WNK2: variants seen among roughly 807,000 people sequenced by gnomAD.
WNK2 encodes the protein serine/threonine-protein kinase WNK2.
A neutral mutation model predicts 192.1 loss-of-function variants in WNK2; 67 were observed. The ratio of observed to expected loss-of-function variants is 0.35; its 90% CI spans 0.29 to 0.43. The LOEUF is 0.43. Among genes scored for constraint, WNK2 ranks in the 20% least tolerant of loss-of-function variants. The pLI, the probability that WNK2 is intolerant of heterozygous loss-of-function variation, is 1.00. For missense variants in WNK2, 2,698 were observed against 3,089.7 expected (o/e 0.87, Z 3.01); for synonymous variants, 1,439 against 1,393.9 (o/e 1.03, Z -0.72).
At chr9:93,251,922 A>G (rs1030121964) in intron 8 of WNK2, among the ~76,000 whole-genome samples, 2 of 152,172 alleles carry the variant, frequency 1.3e-5, no homozygotes, top group Non-Finnish European at 2.9e-5. Flanking sequence ...CCTAGGTTAC[A>G]GTAGGTTCAG....
intron 28 of WNK2, among the ~76,000 whole-genome samples, chr9:93,314,587 G>T (rs1278469333): frequency 6.6e-6 from 1 of 152,122 alleles, no homozygotes; most frequent in African/African-American, 2.4e-5. Context: ...TATAAGCAAT[G>T]ATGCCAGCCA....
chr9:93,204,272 G>T (rs1210224571), intron 2 of WNK2, among the ~76,000 whole-genome samples: 2 of 152,186 alleles, frequency 1.3e-5, no homozygotes, highest in African/African-American at 2.4e-5. Flanking sequence ...GGACAGCCTG[G>T]GTGCTCAACA....
At chr9:93,205,654 A>G (rs544015416) in intron 2 of WNK2, among the ~76,000 whole-genome samples, 1 of 152,216 alleles carries the variant, frequency 6.6e-6, no homozygotes, top group Non-Finnish European at 1.5e-5. Context: ...GTGGGGAGGT[A>G]TTTTTGGCAC....
intron 19 of WNK2, among the ~76,000 whole-genome samples, chr9:93,287,218 G>A (rs2133754905): frequency 6.6e-6 from 1 of 152,296 alleles, no homozygotes; most frequent in East Asian, 1.9e-4. Context: ...CCATCACACA[G>A]CCCTAGGGGT....
In WNK2 at chr9:93,261,849, C is replaced by T. The variant is rs370046914; in HGVS notation, c.3102C>T (p.Asp1034=). ...GCCACCCAGCTCCCTATGCTGTGGA[C>T]GTCGCCGCTCAGGTCCCCACCGTGC... ...LLGHPAPYAV[D]VAAQVPTVPV... is the part of the protein sequence containing the mutation. The change falls in exon 13 of 30, where the codon GAC becomes GAT. Residue 1034 remains aspartate, a synonymous_variant. Coordinates refer to ENST00000427277, the MANE Select transcript of WNK2 (RefSeq NM_006648.4). 2.5e-5 allele frequency: 40 copies of T among 1,597,944 alleles called. No individual in the cohort carries two copies. The highest frequency in any genetic ancestry group is 2.0e-4 in the East Asian group (9 of 44,816).
At chr9:93,284,453 T>C (rs553682253) in intron 19 of WNK2, among the ~76,000 whole-genome samples, 1 of 152,354 alleles carries the variant, frequency 6.6e-6, no homozygotes, top group South Asian at 2.1e-4. Context: ...GGAAATTCTG[T>C]TTTTACAAAA....
intron 2 of WNK2, among the ~76,000 whole-genome samples, chr9:93,187,252 G>A (rs985313466): frequency 3.3e-5 from 5 of 152,144 alleles, no homozygotes; most frequent in Non-Finnish European, 5.9e-5. Context: ...TTAAGGAAAC[G>A]CAGGCGATTC....
At chr9:93,287,610 A>G (rs534184234) in intron 19 of WNK2, among the ~76,000 whole-genome samples, 50 of 152,288 alleles carry the variant, frequency 3.3e-4, no homozygotes, top group African/African-American at 1.1e-3. Context: ...AATTTTGGTC[A>G]AATTAGTTTA....
At position 93,185,109 on chromosome 9, in the gene WNK2, C is replaced by G; in HGVS notation, c.180C>G (p.Ala60=). The G allele has an allele frequency of 7.6e-7, 1 of 1,311,546 alleles. No homozygotes were observed. Among genetic ancestry groups the G allele is most frequent in the Non-Finnish European group, 9.8e-7 (1 of 1,025,436 alleles). The allele number at this position is 1,311,546 out of a possible 1,614,324, so 81.2% of individuals were successfully genotyped here. A position where few individuals can be genotyped will look rare whatever the true frequency, so the allele number is the denominator to read the frequency against. ...DQEEPPGLEA[A]EAPGPQPPQP... The stretch of plus-strand genomic sequence containing the variant: ...AGGAGCCGCCGGGCTTGGAGGCAGC[C>G]GAGGCGCCGGGCCCGCAGCCCCCGC... The change falls in exon 2 of 30, where the codon GCC becomes GCG. Residue 60 remains alanine, a synonymous_variant. Transcript: ENST00000427277.
intron 7 of WNK2, among the ~76,000 whole-genome samples, chr9:93,246,347 T>G (rs973040139): frequency 3.3e-5 from 5 of 152,190 alleles, no homozygotes; most frequent in African/African-American, 2.4e-5. Context: ...GGCCGAGCTC[T>G]GCATGCTCCT....
chr9:93,263,275 A>C, intron 14 of WNK2: 1 of 501,506 alleles, frequency 2.0e-6, no homozygotes, highest in Non-Finnish European at 3.6e-6. Context: ...CAGATGGGGA[A>C]ACTGAGGCAC....
Position 93,185,123 on chromosome 9 carries a change from CG to C in WNK2, c.195del (p.Gln66SerfsTer37). On this transcript the variant is annotated frameshift_variant, in exon 2 of 30. Transcript: ENST00000427277. LOFTEE classifies it high-confidence loss of function. ...PGLEAAEAPG[P>X]QPPQPLQRRV... ...TTGGAGGCAGCCGAGGCGCCGGGCC[CG>C]CAGCCCCCGCAGCCCCTGCAGCGCC... 1 of 1,302,916 alleles carries C rather than the reference CG, an allele frequency of 7.7e-7. No individual in the cohort carries two copies. Among genetic ancestry groups the C allele is most frequent in the Non-Finnish European group, 9.8e-7 (1 of 1,020,204 alleles). The allele number at this position is 1,302,916 out of a possible 1,614,324, so 80.7% of individuals were successfully genotyped here.
chr9:93,264,110 C>T (rs1844790046), intron 16 of WNK2, 77 bp downstream of exon 16: 2 of 1,131,410 alleles, frequency 1.8e-6, no homozygotes, highest in Non-Finnish European at 2.6e-6. Flanking sequence ...CCACAGGTCA[C>T]ATGTCGAGCC....
In WNK2 at chr9:93,317,560, C is replaced by G; in HGVS notation, c.6557C>G (p.Pro2186Arg). The change falls in exon 29 of 30, where the codon CCC (proline) becomes CGC (arginine). Residue 2186 changes from proline to arginine, a missense_variant. By Grantham distance (103) the Pro-to-Arg change is moderately radical. Coordinates refer to ENST00000427277, the MANE Select transcript of WNK2 (RefSeq NM_006648.4). ...GCAGGAGTGGGGATGCCACGTCTGCCCCCAGCGCCCGGCCCTCTGTCCACC... is the reference window on the plus strand; with the variant it reads ...GCAGGAGTGGGGATGCCACGTCTGCGCCCAGCGCCCGGCCCTCTGTCCACC... ...PRAGVGMPRL[P>R]PAPGPLSTTV... The G allele has an allele frequency of 6.2e-7, 1 of 1,613,650 alleles. No individual in the cohort carries two copies. Among genetic ancestry groups the G allele is most frequent in the Middle Eastern group, 1.7e-4 (1 of 6,060 alleles).
intron 11 of WNK2, among the ~76,000 whole-genome samples, chr9:93,258,550 C>T (rs943021219): frequency 6.6e-6 from 1 of 152,128 alleles, no homozygotes; most frequent in African/African-American, 2.4e-5. Context: ...TCCTCTATGA[C>T]CTGTGGTCAC....
intron 2 of WNK2, among the ~76,000 whole-genome samples, chr9:93,193,357 G>A (rs1372868653): frequency 6.6e-6 from 1 of 152,168 alleles, no homozygotes; most frequent in Non-Finnish European, 1.5e-5. Context: ...TGAGAGAAAT[G>A]TGTTTCACCT....
chr9:93,212,149 T>C (rs1002189204), intron 2 of WNK2, among the ~76,000 whole-genome samples: 20 of 152,260 alleles, frequency 1.3e-4, no homozygotes, highest in African/African-American at 4.8e-4. Context: ...TATTAATTCA[T>C]TCACCTAATT....
Position 93,247,767 on chromosome 9 carries a change from C to T in WNK2, c.1767C>T (p.Pro589=), listed in dbSNP as rs750071298. The T allele has an allele frequency of 4.9e-5, 76 of 1,551,314 alleles. No individual in the cohort carries two copies. The highest frequency in any genetic ancestry group is 2.1e-4 in the Middle Eastern group (1 of 4,674). ...AQAGQPGPPE[P]EEPEADQHLL... is the part of the protein sequence containing the mutation. ...CTGGGCAGCCCGGGCCACCAGAGCC[C>T]GAGGAGCCGGAGGCCGACCAGCACC... Residue 589 remains proline (P), a synonymous_variant, in exon 8 of 30, where the codon CCC becomes CCT. Coordinates refer to ENST00000427277, the MANE Select transcript of WNK2 (RefSeq NM_006648.4). This position sits in a 1 kb window ranked among gnomAD's most constrained non-coding sequence, Gnocchi z 5.2.
In WNK2 at chr9:93,263,776, G is replaced by A. The variant is rs1207258926; in HGVS notation, c.3579+42G>A. ...TGGCGGGGGTGTGGTGGGGGTGGGGGCATGGTGGGGGTGTGGTGGGGGTGG... is the reference window on the plus strand; with the variant it reads ...TGGCGGGGGTGTGGTGGGGGTGGGGACATGGTGGGGGTGTGGTGGGGGTGG... On this transcript the variant is annotated intron_variant, in intron 15 of 29. Transcript: ENST00000427277. 4.8e-5 allele frequency: 27 copies of A among 566,398 alleles called. No homozygotes were observed. The African/African-American group carries it at 5.1e-4, about 11-fold the overall frequency. 35.1% of individuals were successfully genotyped at this position (566,398 alleles called of 1,614,324 possible). A position where few individuals can be genotyped will look rare whatever the true frequency, so the allele number is the denominator to read the frequency against.
Sources: allele counts gnomAD v4.1 joint callset (sites outside exome capture counted in the v4.1 genomes callset), GRCh38; gene constraint gnomAD v4.1.1; non-coding constraint Gnocchi (gnomAD v3.1); transcripts MANE v1.5; gene names NCBI Gene and HGNC (gene_info 2026-07-23, HGNC 2026-07-21).